EPB41L3: variants seen among roughly 807,000 people sequenced by gnomAD.
EPB41L3 encodes the protein erythrocyte membrane protein band 4.1 like 3, also known as band 4.1-like protein 3.
EPB41L3 carries 57 observed loss-of-function variants against 127.1 expected under a neutral mutation model. The observed-to-expected ratio is 0.45, with a 90% CI of 0.36 to 0.56. The LOEUF (loss-of-function observed/expected upper bound fraction) is 0.56. Ranked by LOEUF, EPB41L3 falls within the 20% of genes least tolerant of loss-of-function variation. The pLI, the probability that EPB41L3 is intolerant of heterozygous loss-of-function variation, is 0.00. For synonymous variants in EPB41L3, 572 were observed against 549.5 expected (o/e 1.04, Z -0.57); for missense variants, 1,273 against 1,372.2 (o/e 0.93, Z 1.14).
rs2073038001 is a variant in EPB41L3, at chr18:5,394,680, T to TG, written c.*2dup. ...GAGAATCGGCATCACCTCTTACCTC[T>TG]GGTCAATCCTCTCCATCTTCTGGTG... On this transcript the variant is annotated 3_prime_UTR_variant, in exon 22 of 23. Transcript: ENST00000341928. 1.2e-6 allele frequency: 2 copies of TG among 1,613,124 alleles called. No individual in the cohort carries two copies. Among genetic ancestry groups the TG allele is most frequent in the Non-Finnish European group, 1.7e-6 (2 of 1,179,306 alleles).
chr18:5,440,407 AG>A (rs1568185394), intron 5 of EPB41L3, among the ~76,000 whole-genome samples: 1 of 152,358 alleles, frequency 6.6e-6, no homozygotes, highest in East Asian at 1.9e-4. Flanking sequence ...TTAAGGAGAG[AG>A]GCAGATTAAA....
intron 3 of EPB41L3, among the ~76,000 whole-genome samples, chr18:5,562,630 T>C (rs1009277549): frequency 7.9e-5 from 12 of 152,218 alleles, no homozygotes; most frequent in African/African-American, 2.9e-4. Flanking sequence ...GCCTGGCGCA[T>C]TGTCAGAACC....
At chr18:5,546,941 G>A (rs898506386), upstream of EPB41L3, among the ~76,000 whole-genome samples, 9 of 152,164 alleles carry the variant, frequency 5.9e-5, no homozygotes, top group Non-Finnish European at 1.2e-4. Context: ...AATGAACTAA[G>A]CTGTCACTTT....
In EPB41L3 at chr18:5,593,513, T is replaced by A. The variant is rs143491916; in HGVS notation, c.-306+18827A>T. Among the ~76,000 whole-genome samples, 383 of 152,066 alleles carry A rather than the reference T, an allele frequency of 2.5e-3. 1 individual carries two copies. The highest frequency in any genetic ancestry group is 4.2e-3 in the African/African-American group (174 of 41,462). ...AGGTGATAGGATATCACAAGGCAAA[T>A]GGAGGCAGGGCGAGATCACAGGACC... On this transcript the variant is annotated intron_variant, in intron 3 of 21. Transcript: ENST00000545076.
Position 5,416,189 on chromosome 18 carries a change from G to A in EPB41L3, c.1696C>T (p.Leu566=). ...CTAAAAGCCACATCTTGATCCCCTAGGTAAGGCCTCCCTGGGCCATCAGAG... is the reference window on the plus strand; with the variant it reads ...CTAAAAGCCACATCTTGATCCCCTAAGTAAGGCCTCCCTGGGCCATCAGAG... The part of the protein sequence containing the change: ...LDSDGPGRPY[L]GDQDVAFSYR... Residue 566 remains leucine, a synonymous_variant, in exon 13 of 23, where the codon CTA becomes TTA. Transcript: ENST00000341928. The A allele has an allele frequency of 6.2e-7, 1 of 1,614,146 alleles. No individual in the cohort carries two copies. The highest frequency in any genetic ancestry group is 8.5e-7 in the Non-Finnish European group (1 of 1,180,014).
At chr18:5,567,498 C>G (rs1250549692) in intron 3 of EPB41L3, 1 of 152,104 alleles carries the variant, frequency 6.6e-6, no homozygotes, top group Non-Finnish European at 1.5e-5. Flanking sequence ...TCATATGGTT[C>G]TCCTTCCATT....
At chr18:5,399,092 C>T in intron 16 of EPB41L3, 1 of 399,148 alleles carries the variant, frequency 2.5e-6, no homozygotes, top group East Asian at 3.6e-5. Flanking sequence ...TGGAGGGCTG[C>T]TCCACTTTCT....
chr18:5,460,126 T>C (rs968875356), intron 3 of EPB41L3, among the ~76,000 whole-genome samples: 2 of 152,212 alleles, frequency 1.3e-5, no homozygotes, highest in African/African-American at 4.8e-5. Context: ...AGTGTTTAGC[T>C]CCTACTTATA....
At chr18:5,527,438 A>AT (rs145142946) in intron 1 of EPB41L3, among the ~76,000 whole-genome samples, 2,517 of 151,646 alleles carry the variant, frequency 0.017, 63 homozygotes, top group African/African-American at 0.057. Context: ...AATTCGTGGG[A>AT]TTTTTTCACA....
intron 5 of EPB41L3, 43 bp downstream of exon 5, chr18:5,443,795 A>G: frequency 6.4e-7 from 1 of 1,566,432 alleles, no homozygotes; most frequent in Non-Finnish European, 8.7e-7. Flanking sequence ...TTGCTCTCTG[A>G]AAACCTTCAC....
chr18:5,528,592 A>G (rs1458711335), intron 1 of EPB41L3, among the ~76,000 whole-genome samples: 4 of 151,854 alleles, frequency 2.6e-5, no homozygotes, highest in African/African-American at 9.7e-5. Context: ...TGCATCCACT[A>G]GCTTCTTTTC....
chr18:5,511,391 G>GTTTTTTTTTTTTTTT (rs1190047630), intron 1 of EPB41L3, among the ~76,000 whole-genome samples: 3 of 59,798 alleles, frequency 5.0e-5, no homozygotes, highest in African/African-American at 1.4e-4. Context: ...AGGTATTTTG[G>GTTTTTTTTTTTTTTT]TTTTTTTTTT....
intron 11 of EPB41L3, among the ~76,000 whole-genome samples, chr18:5,422,512 C>A (rs529115118): frequency 1.3e-5 from 2 of 152,098 alleles, no homozygotes; most frequent in Admixed American, 6.5e-5. Context: ...TACTTGCATA[C>A]CAGAAACTCC....
chr18:5,509,093 T>C (rs937696661), intron 1 of EPB41L3, among the ~76,000 whole-genome samples: 3 of 152,222 alleles, frequency 2.0e-5, no homozygotes, highest in Non-Finnish European at 4.4e-5. Flanking sequence ...GGCATAATGC[T>C]GAGAAATTGT....
chr18:5,486,054 C>T (rs1433064190), intron 2 of EPB41L3, among the ~76,000 whole-genome samples: 45 of 152,228 alleles, frequency 3.0e-4, no homozygotes, highest in Non-Finnish European at 2.9e-5. Flanking sequence ...CTAAAAAGAA[C>T]AAAGCTGGAG....
chr18:5,500,248 C>T (rs1226481000), intron 1 of EPB41L3, among the ~76,000 whole-genome samples: 2 of 152,118 alleles, frequency 1.3e-5, no homozygotes, highest in Non-Finnish European at 2.9e-5. Flanking sequence ...CTATATTCTT[C>T]GCCAATTCTA....
At chr18:5,587,996 C>T (rs1188401526) in intron 3 of EPB41L3, among the ~76,000 whole-genome samples, 1 of 152,132 alleles carries the variant, frequency 6.6e-6, no homozygotes, top group Non-Finnish European at 1.5e-5. Flanking sequence ...CAAAAGAACG[C>T]TAACATGGCA....
rs761154244 is a variant in EPB41L3, at chr18:5,397,317, C to T, written c.2582G>A (p.Arg861Gln). 3.7e-5 allele frequency: 60 copies of T among 1,613,914 alleles called. No homozygotes were observed. Among genetic ancestry groups the T allele is most frequent in the East Asian group, 4.5e-5 (2 of 44,878 alleles). ...VVQETVLVEE[R>Q]RVVHASGDAS... The stretch of plus-strand genomic sequence containing the variant: ...ATCCCCACTCGCGTGCACCACACGC[C>T]GCTCCTCCACCAACACGGTCTCCTG... Residue 861 changes from arginine (R) to glutamine (Q), a missense_variant, in exon 18 of 23, where the codon CGG becomes CAG. This residue lies in a region of EPB41L3 where 765 missense variants were observed against 782.9 expected (regional missense o/e 0.98). Coordinates refer to ENST00000341928, the MANE Select transcript of EPB41L3 (RefSeq NM_012307.5). The surrounding 1 kb of genome is among the most constrained non-coding windows in gnomAD (Gnocchi z 4.1).
At chr18:5,604,163 A>G (rs1238498537) in intron 3 of EPB41L3, among the ~76,000 whole-genome samples, 1 of 151,680 alleles carries the variant, frequency 6.6e-6, no homozygotes, top group Non-Finnish European at 1.5e-5. Context: ...TAGTATTAGA[A>G]TCATTCTTTC....
Sources: allele counts gnomAD v4.1 joint callset (sites outside exome capture counted in the v4.1 genomes callset), GRCh38; gene constraint gnomAD v4.1.1; regional missense constraint gnomAD v4.1.1; non-coding constraint Gnocchi (gnomAD v3.1); transcripts MANE v1.5; gene names NCBI Gene and HGNC (gene_info 2026-07-23, HGNC 2026-07-21).